Variants in GFRA1 observed in about 807,000 individuals in gnomAD.
GFRA1 encodes GDNF family receptor alpha 1, also known as GDNF family receptor alpha-1.
A neutral mutation model predicts 51.6 loss-of-function variants in GFRA1; 16 were observed. The ratio of observed to expected loss-of-function variants is 0.31; its 90% CI spans 0.21 to 0.47. The LOEUF (loss-of-function observed/expected upper bound fraction) is 0.47. Among genes scored for constraint, GFRA1 ranks in the 20% least tolerant of loss-of-function variants. GFRA1 has a pLI of 1.00. For synonymous variants in GFRA1, 270 were observed against 241.3 expected, an observed-to-expected ratio of 1.12 and a Z score of -1.10; for missense variants, 530 against 594.3, an observed-to-expected ratio of 0.89 and a Z score of 1.13.
intron 5 of GFRA1, among the ~76,000 whole-genome samples, chr10:116,187,077 C>T (rs550876262): frequency 2.0e-5 from 3 of 152,248 alleles, no homozygotes; most frequent in African/African-American, 7.2e-5. Context: ...GATAACTGTG[C>T]TATTTAAATG....
At chr10:116,269,782 CCA>C (rs1843750622) in intron 3 of GFRA1, among the ~76,000 whole-genome samples, 196 bp from the exon 4 acceptor site, 1 of 152,078 alleles carries the variant, frequency 6.6e-6, no homozygotes, top group African/African-American at 2.4e-5. Context: ...CTTGTTCTCC[CCA>C]GAGTGCCATG....
intron 5 of GFRA1, 54 bp from the exon 6 acceptor site, chr10:116,125,611 A>C (rs1957839552): frequency 2.2e-6 from 3 of 1,372,584 alleles, no homozygotes; most frequent in Non-Finnish European, 2.0e-6. Flanking sequence ...CTGTGTTCTC[A>C]CCTACTCTGT....
At chr10:116,201,387 G>C (rs1320105034) in intron 5 of GFRA1, among the ~76,000 whole-genome samples, 4 of 152,102 alleles carry the variant, frequency 2.6e-5, no homozygotes, top group African/African-American at 7.2e-5. Context: ...CATTGCAAAG[G>C]CTCCATAACT....
intron 5 of GFRA1, among the ~76,000 whole-genome samples, chr10:116,196,308 T>C (rs1963741814): frequency 6.6e-6 from 1 of 150,580 alleles, no homozygotes; most frequent in Admixed American, 6.7e-5. Flanking sequence ...GCCAACATAG[T>C]GAAACCTCAT....
chr10:116,135,996 CT>C (rs3837364), intron 5 of GFRA1, among the ~76,000 whole-genome samples: 78,597 of 151,902 alleles, frequency 0.52, 20,823 homozygotes, highest in East Asian at 0.57. Context: ...GTTATGGATA[CT>C]TTTTTTCCCC....
At chr10:116,102,607 C>G (rs2530337) in intron 6 of GFRA1, among the ~76,000 whole-genome samples, 26,063 of 152,158 alleles carry the variant, frequency 0.17, 2,256 homozygotes, top group East Asian at 0.21. Context: ...AAGGTGAAAG[C>G]CACATCTTAC....
intron 5 of GFRA1, among the ~76,000 whole-genome samples, chr10:116,174,145 C>CAAA (rs35365212): frequency 2.0e-5 from 3 of 150,090 alleles, no homozygotes; most frequent in African/African-American, 7.3e-5. Flanking sequence ...TAGGCCTTCT[C>CAAA]AAAAAAAAAA....
In GFRA1 at chr10:116,206,659, A is replaced by G. The variant is rs555983126; in HGVS notation, c.433+4972T>C. On this transcript the variant is annotated intron_variant, in intron 5 of 10. Coordinates refer to ENST00000355422, the MANE Select transcript of GFRA1 (RefSeq NM_005264.8). ...TTTTTTTTTTTTGAGACGGAGCCTC[A>G]CTCTGTCGCCCAGGCTGGGCTGGAG... Among the ~76,000 whole-genome samples, 42 of 110,440 alleles carry G rather than the reference A, an allele frequency of 3.8e-4. No individual in the cohort carries two copies. In the East Asian group the frequency reaches 9.1e-3, roughly 24 times the overall value. The allele number at this position is 110,440 out of a possible 152,430, so 72.5% of individuals were successfully genotyped here. A position where few individuals can be genotyped will look rare whatever the true frequency, so the allele number is the denominator to read the frequency against.
intron 5 of GFRA1, among the ~76,000 whole-genome samples, chr10:116,174,900 A>G (rs1285802288): frequency 2.0e-5 from 3 of 152,070 alleles, no homozygotes; most frequent in Non-Finnish European, 4.4e-5. Context: ...GATTTATTGT[A>G]TTTTTTCCAA....
chr10:116,237,738 G>C (rs928860035), intron 4 of GFRA1, among the ~76,000 whole-genome samples: 1 of 152,108 alleles, frequency 6.6e-6, no homozygotes, highest in African/African-American at 2.4e-5. Flanking sequence ...CAAAGACCTG[G>C]GTCCTACTGA....
intron 6 of GFRA1, among the ~76,000 whole-genome samples, chr10:116,111,090 C>T (rs1388172277): frequency 6.6e-6 from 1 of 152,202 alleles, no homozygotes; most frequent in Non-Finnish European, 1.5e-5. Flanking sequence ...CAAAAAGTGA[C>T]AAGAAGAGTG....
chr10:116,107,900 C>T (rs1418033383), intron 6 of GFRA1, among the ~76,000 whole-genome samples: 1 of 152,202 alleles, frequency 6.6e-6, no homozygotes, highest in Non-Finnish European at 1.5e-5. Flanking sequence ...CATGGGTTCT[C>T]TTGACTTTAA....
Position 116,205,313 on chromosome 10 carries a change from C to T in GFRA1, c.433+6318G>A, listed in dbSNP as rs528824134. Reference sequence around the variant, plus strand: ...TTAAAAGGGGCCGGGCACGGTGACTCACACCTGTAATCCCAACACTTTAGG... The same window carrying T: ...TTAAAAGGGGCCGGGCACGGTGACTTACACCTGTAATCCCAACACTTTAGG... On this transcript the variant is annotated intron_variant, in intron 5 of 10. Coordinates refer to ENST00000355422, the MANE Select transcript of GFRA1 (RefSeq NM_005264.8). Among the ~76,000 whole-genome samples the T allele has an allele frequency of 2.1e-3, 323 of 152,220 alleles. 3 individuals carry two copies. The highest frequency in any genetic ancestry group is 7.5e-3 in the African/African-American group (313 of 41,540).
chr10:116,190,402 C>T (rs754230725), intron 5 of GFRA1, among the ~76,000 whole-genome samples: 2 of 152,182 alleles, frequency 1.3e-5, no homozygotes, highest in East Asian at 3.9e-4. Context: ...AATGTGCTCT[C>T]AAGAAGTCGG....
chr10:116,248,967 T>C (rs185974774), intron 4 of GFRA1, among the ~76,000 whole-genome samples: 30 of 152,226 alleles, frequency 2.0e-4, no homozygotes, highest in African/African-American at 6.5e-4. Context: ...GGCTGCCACA[T>C]GGCCCCACTC....
At chr10:116,111,450 A>T (rs992558342) in intron 6 of GFRA1, among the ~76,000 whole-genome samples, 1 of 152,168 alleles carries the variant, frequency 6.6e-6, no homozygotes, top group African/African-American at 2.4e-5. Flanking sequence ...GCCCAACCTT[A>T]ATGCAGCATG....
chr10:116,237,538 A>C (rs1464410730), intron 4 of GFRA1, among the ~76,000 whole-genome samples: 1 of 150,406 alleles, frequency 6.6e-6, no homozygotes, highest in Non-Finnish European at 1.5e-5. Context: ...CACTGAGTAC[A>C]TACTCGAATA....
rs369361297 is a variant in GFRA1 at position 116,096,704 on chromosome 10, A to G, written c.831T>C (p.Cys277=). The change falls in exon 7 of 11, where the codon TGT becomes TGC. Residue 277 remains cysteine (C), a synonymous_variant. Coordinates refer to ENST00000355422, the MANE Select transcript of GFRA1 (RefSeq NM_005264.8). ...GGCAGTCAGCGTAGTTTTCCTTTAG[A>G]CAGCTGCTGACAGACCTTGACTCTG... ...CQPESRSVSS[C]LKENYADCLL... is the part of the protein sequence containing the mutation. The G allele has an allele frequency of 3.4e-5, 55 of 1,613,000 alleles. No homozygotes were observed. In the African/African-American group the frequency reaches 6.7e-4, roughly 20 times the overall value.
At chr10:116,216,784 T>C (rs1031875356) in intron 4 of GFRA1, among the ~76,000 whole-genome samples, 1 of 152,156 alleles carries the variant, frequency 6.6e-6, no homozygotes, top group Non-Finnish European at 1.5e-5. Flanking sequence ...GTACAAGTGC[T>C]TTTACAGTAA....
Sources: gnomAD v4.1 joint callset for allele counts (sites outside exome capture counted in the v4.1 genomes callset) on GRCh38, gnomAD v4.1.1 for gene constraint, MANE v1.5 for transcripts, NCBI Gene and HGNC (gene_info 2026-07-23, HGNC 2026-07-21) for gene names.